The following ROBO1 variants were observed in gnomAD, a reference collection of about 807,000 sequenced individuals.
ROBO1 encodes the protein roundabout guidance receptor 1.
A neutral mutation model predicts 195.9 loss-of-function variants in ROBO1; 149 were observed. The observed-to-expected ratio is 0.76, with a 90% confidence interval of 0.67 to 0.87. The LOEUF (loss-of-function observed/expected upper bound fraction) is 0.87, where lower values mean the gene tolerates loss of function less well. Ranked by LOEUF, ROBO1 falls within the 40% of genes least tolerant of loss-of-function variation. The probability of loss-of-function intolerance (pLI) is 0.00; values close to 1 mark genes in which losing one functional copy is unlikely to be tolerated. For synonymous variants in ROBO1, 816 were observed against 733.2 expected (o/e 1.11, Z -1.82); for missense variants, 1,933 against 2,068.3 (o/e 0.93, Z 1.27).
intron 2 of ROBO1, among the ~76,000 whole-genome samples, chr3:79,486,985 C>T (rs1469738696): frequency 6.6e-6 from 1 of 152,100 alleles, no homozygotes; most frequent in African/African-American, 2.4e-5. Flanking sequence ...TGGCCTTTAT[C>T]TGCCATTTGT....
At chr3:79,052,672 T>C (rs757332572) in intron 3 of ROBO1, among the ~76,000 whole-genome samples, 6 of 152,086 alleles carry the variant, frequency 3.9e-5, no homozygotes, top group Non-Finnish European at 8.8e-5. Context: ...TCTCTTTATT[T>C]CTCAGACTGG....
chr3:78,867,371 G>T (rs549893990), intron 4 of ROBO1, among the ~76,000 whole-genome samples: 43 of 152,238 alleles, frequency 2.8e-4, no homozygotes, highest in African/African-American at 1.0e-3. Context: ...ACAGGAAATT[G>T]AAATTTTGTC....
intron 4 of ROBO1, among the ~76,000 whole-genome samples, chr3:78,882,614 T>A (rs2036250494): frequency 6.6e-6 from 1 of 152,154 alleles, no homozygotes; most frequent in African/African-American, 2.4e-5. Context: ...TTTCCACATT[T>A]TCCAATTTCT....
At chr3:79,058,247 C>T (rs1324052028) in intron 3 of ROBO1, among the ~76,000 whole-genome samples, 2 of 151,972 alleles carry the variant, frequency 1.3e-5, no homozygotes, top group Non-Finnish European at 2.9e-5. Flanking sequence ...CACCAAAGGG[C>T]TATTTAAAAA....
At chr3:79,716,485 A>T (rs986459783) in intron 1 of ROBO1, among the ~76,000 whole-genome samples, 1 of 151,954 alleles carries the variant, frequency 6.6e-6, no homozygotes, top group African/African-American at 2.4e-5. Flanking sequence ...GTGATTTTTA[A>T]CTAAGTAAAT....
chr3:79,562,970 CAA>C (rs1318012246), intron 2 of ROBO1, among the ~76,000 whole-genome samples: 3 of 151,262 alleles, frequency 2.0e-5, no homozygotes, highest in South Asian at 2.1e-4. Flanking sequence ...TAAAAAATAA[CAA>C]AGTTATAAAA....
chr3:78,712,727 CAGG>C (rs1217071330), intron 8 of ROBO1, among the ~76,000 whole-genome samples: 2 of 152,072 alleles, frequency 1.3e-5, no homozygotes, highest in African/African-American at 4.8e-5. Context: ...CTTTGAAATC[CAGG>C]CTTAGAGAGC....
intron 3 of ROBO1, among the ~76,000 whole-genome samples, chr3:79,123,585 A>G (rs1411624162): frequency 6.6e-6 from 1 of 152,026 alleles, no homozygotes; most frequent in Non-Finnish European, 1.5e-5. Context: ...GAGGTTTCTG[A>G]GTAATCAAGA....
At chr3:78,837,701 C>T (rs571966990) in intron 4 of ROBO1, among the ~76,000 whole-genome samples, 1 of 152,020 alleles carries the variant, frequency 6.6e-6, no homozygotes, top group South Asian at 2.1e-4. Flanking sequence ...GAAAATGTTT[C>T]CTTTCCTATA....
chr3:79,352,820 C>T (rs2035395310), intron 2 of ROBO1, among the ~76,000 whole-genome samples: 1 of 152,084 alleles, frequency 6.6e-6, no homozygotes, highest in Non-Finnish European at 1.5e-5. Context: ...CTATTGTATA[C>T]ATTAACTAAA....
chr3:79,561,940 T>C (rs1210528766), intron 2 of ROBO1, among the ~76,000 whole-genome samples: 1 of 152,104 alleles, frequency 6.6e-6, no homozygotes. Context: ...CACCTTATAG[T>C]TATTTACTGT....
intron 1 of ROBO1, among the ~76,000 whole-genome samples, chr3:79,670,124 A>T (rs1049927112): frequency 3.3e-5 from 5 of 151,948 alleles, no homozygotes; most frequent in African/African-American, 4.8e-5. Context: ...ATGTTGCTTC[A>T]TCAGTAGGGA....
chr3:78,866,919 C>T (rs1576314852), intron 4 of ROBO1, among the ~76,000 whole-genome samples: 2 of 152,264 alleles, frequency 1.3e-5, no homozygotes, highest in Non-Finnish European at 1.5e-5. Flanking sequence ...CATCAATTTA[C>T]GCAGGAGAGT....
At chr3:79,376,218 C>T (rs2036377677) in intron 2 of ROBO1, among the ~76,000 whole-genome samples, 1 of 152,146 alleles carries the variant, frequency 6.6e-6, no homozygotes, top group Admixed American at 6.5e-5. Flanking sequence ...ATTTCCCAAA[C>T]CTCTTCATAC....
At chr3:78,931,084 G>C (rs1417603910) in intron 4 of ROBO1, among the ~76,000 whole-genome samples, 1 of 151,388 alleles carries the variant, frequency 6.6e-6, no homozygotes, top group Non-Finnish European at 1.5e-5. Context: ...TTTCATTTTT[G>C]GTCACCATTG....
At chr3:79,398,490 CCT>C (rs773692092) in intron 2 of ROBO1, among the ~76,000 whole-genome samples, 2 of 152,092 alleles carry the variant, frequency 1.3e-5, no homozygotes, top group Non-Finnish European at 2.9e-5. Context: ...GCCACACTTT[CCT>C]CTGTGATGTG....
intron 2 of ROBO1, among the ~76,000 whole-genome samples, chr3:79,165,420 G>C (rs7617560): frequency 0.054 from 8,160 of 152,270 alleles, 281 homozygotes; most frequent in Middle Eastern, 0.099. Context: ...AGATTCTTAG[G>C]AATGTGCTGA....
At chr3:79,753,642 T>C (rs1429969565) in intron 1 of ROBO1, among the ~76,000 whole-genome samples, 1 of 151,754 alleles carries the variant, frequency 6.6e-6, no homozygotes, top group Non-Finnish European at 1.5e-5. Context: ...ACATAAAAGT[T>C]GAAGTCATAG....
chr3:79,326,283 T>C (rs1357110075), intron 2 of ROBO1, among the ~76,000 whole-genome samples: 1 of 152,180 alleles, frequency 6.6e-6, no homozygotes, highest in Admixed American at 6.5e-5. Context: ...GTGATCTCTG[T>C]GACCCACACC....
Sources: gnomAD v4.1 joint callset for allele counts (sites outside exome capture counted in the v4.1 genomes callset) on GRCh38, gnomAD v4.1.1 for gene constraint, MANE v1.5 for transcripts, NCBI Gene and HGNC (gene_info 2026-07-23, HGNC 2026-07-21) for gene names.